FGFR1OP2: variants seen among roughly 807,000 people sequenced by gnomAD.
The protein encoded by FGFR1OP2 is fibroblast growth factor receptor 1 oncogene partner 2.
FGFR1OP2 carries 17 observed loss-of-function variants against 35.2 expected under a neutral mutation model. The ratio of observed to expected loss-of-function variants is 0.48; its 90% confidence interval spans 0.33 to 0.73. FGFR1OP2 has a LOEUF of 0.73. Ranked by LOEUF, FGFR1OP2 falls within the 30% of genes least tolerant of loss-of-function variation. The probability of loss-of-function intolerance (pLI) is 0.02; values close to 1 mark genes in which losing one functional copy is unlikely to be tolerated. For synonymous variants in FGFR1OP2, 105 were observed against 104.6 expected, an observed-to-expected ratio of 1.00 and a Z score of -0.03; for missense variants, 251 against 307.3, an observed-to-expected ratio of 0.82 and a Z score of 1.37.
In FGFR1OP2 at chr12:26,960,635, T is replaced by G. The variant is rs757542816; in HGVS notation, c.510+7T>G. 1 of 1,610,150 alleles carries G rather than the reference T, an allele frequency of 6.2e-7. No homozygotes were observed. Among genetic ancestry groups the G allele is most frequent in the South Asian group, 1.1e-5 (1 of 90,862 alleles). On this transcript the variant is annotated splice_region_variant and intron_variant, in intron 5 of 6. Transcript: ENST00000229395. Reference sequence around the variant, plus strand: ...CTTGGAAGCAAATCAGAATGTACACTAAATAAACAGTCAACTTTTGGGGTG... The same window carrying G: ...CTTGGAAGCAAATCAGAATGTACACGAAATAAACAGTCAACTTTTGGGGTG...
At chr12:26,946,548 G>T (rs993203596) in intron 1 of FGFR1OP2, among the ~76,000 whole-genome samples, 1 of 152,188 alleles carries the variant, frequency 6.6e-6, no homozygotes, top group African/African-American at 2.4e-5. Context: ...CTGGCTTCAT[G>T]ATCTGCCAGC....
At chr12:26,952,789 G>C (rs1301805443) in intron 1 of FGFR1OP2, among the ~76,000 whole-genome samples, 1 of 151,022 alleles carries the variant, frequency 6.6e-6, no homozygotes, top group Non-Finnish European at 1.5e-5. Flanking sequence ...GCAAATTGCT[G>C]TTTTAATAAA....
chr12:26,956,009 C>A (rs1939012422), intron 2 of FGFR1OP2, among the ~76,000 whole-genome samples: 1 of 151,498 alleles, frequency 6.6e-6, no homozygotes, highest in Non-Finnish European at 1.5e-5. Context: ...TTTCTTAAAA[C>A]ATTATGAGAT....
chr12:26,957,830 G>C (rs551490388), intron 4 of FGFR1OP2, 87 bp downstream of exon 4: 2 of 1,173,978 alleles, frequency 1.7e-6, no homozygotes, highest in South Asian at 4.1e-5. Context: ...AAAAATCACA[G>C]GTATCTAGTA....
In FGFR1OP2 at chr12:26,963,902, A is replaced by T. The variant is rs570981343; in HGVS notation, c.624+447A>T. Among the ~76,000 whole-genome samples, 3 of 152,276 alleles carry T rather than the reference A, an allele frequency of 2.0e-5. No homozygotes were observed. In the South Asian group the frequency reaches 6.2e-4, roughly 32 times the overall value. On this transcript the variant is annotated intron_variant, in intron 6 of 6. Coordinates refer to ENST00000229395, the MANE Select transcript of FGFR1OP2 (RefSeq NM_015633.3). ...CAGTCTCTGAATAACTGAAATCAGT[A>T]CAATAGACTTTTATGCCTTAAGAGC...
chr12:26,950,987 T>G (rs563638883), intron 1 of FGFR1OP2, among the ~76,000 whole-genome samples: 1 of 152,202 alleles, frequency 6.6e-6, no homozygotes, highest in African/African-American at 2.4e-5. Context: ...ATGATAGAAA[T>G]TTTGGATGGT....
chr12:26,939,624 C>T (rs1473416804), intron 1 of FGFR1OP2, among the ~76,000 whole-genome samples: 1 of 152,204 alleles, frequency 6.6e-6, no homozygotes, highest in Non-Finnish European at 1.5e-5. Context: ...ATTGTCTTCT[C>T]AGACTCCCCC....
intron 5 of FGFR1OP2, 61 bp from the exon 6 acceptor site, chr12:26,963,281 G>T: frequency 9.5e-7 from 1 of 1,054,524 alleles, no homozygotes; most frequent in South Asian, 1.5e-5. Flanking sequence ...TTATAAAAAG[G>T]AGAGGATCCA....
At chr12:26,959,097 A>G (rs555221175) in intron 4 of FGFR1OP2, among the ~76,000 whole-genome samples, 1 of 152,234 alleles carries the variant, frequency 6.6e-6, no homozygotes, top group Non-Finnish European at 1.5e-5. Flanking sequence ...TTAAATACCT[A>G]TCAAATAGCT....
chr12:26,954,133 T>G lies in FGFR1OP2; in HGVS notation c.-14-12T>G, dbSNP rs1938981467. On this transcript the variant is annotated splice_polypyrimidine_tract_variant and intron_variant, in intron 1 of 6. Transcript: ENST00000229395. Reference sequence around the variant, plus strand: ...ACTTTATTTTGAGTCTTGATTTTAATTTTAATTATAGATATATCTTTAGAA... The same window carrying G: ...ACTTTATTTTGAGTCTTGATTTTAAGTTTAATTATAGATATATCTTTAGAA... 1 of 1,537,266 alleles carries G rather than the reference T, an allele frequency of 6.5e-7. No homozygotes were observed. Among genetic ancestry groups the G allele is most frequent in the African/African-American group, 1.4e-5 (1 of 71,062 alleles).
At chr12:26,956,775 A>G (rs1939028762) in intron 3 of FGFR1OP2, 115 bp downstream of exon 3, 2 of 458,830 alleles carry the variant, frequency 4.4e-6, no homozygotes, top group South Asian at 6.3e-5. Flanking sequence ...ACATCCTCTT[A>G]GATTCTCACC....
intron 1 of FGFR1OP2, among the ~76,000 whole-genome samples, chr12:26,949,635 A>G (rs938722498): frequency 1.3e-5 from 2 of 151,788 alleles, no homozygotes; most frequent in African/African-American, 4.8e-5. Flanking sequence ...CTGGAGTGCA[A>G]TGATGCGATC....
chr12:26,953,875 G>A (rs75688976), intron 1 of FGFR1OP2, among the ~76,000 whole-genome samples: 9,185 of 152,222 alleles, frequency 0.06, 435 homozygotes, highest in East Asian at 0.2. Context: ...TTTCCCCACT[G>A]TAAATTTAGA....
At chr12:26,963,814 T>C (rs563033013) in intron 6 of FGFR1OP2, among the ~76,000 whole-genome samples, 2 of 152,272 alleles carry the variant, frequency 1.3e-5, no homozygotes, top group African/African-American at 4.8e-5. Context: ...GGGGCACTCT[T>C]ATTTTTCTGG....
At chr12:26,950,533 A>G (rs1160042240) in intron 1 of FGFR1OP2, among the ~76,000 whole-genome samples, 2 of 152,042 alleles carry the variant, frequency 1.3e-5, no homozygotes, top group Non-Finnish European at 2.9e-5. Flanking sequence ...CCCTGTATTC[A>G]TTGTTTTTAA....
chr12:26,966,391 G>A lies in FGFR1OP2; in HGVS notation c.*1658G>A, dbSNP rs1939183042. ...ATTAAGTCTGAGGCAGTTCATTGAG[G>A]CAGCTCTACTATAAAAGCTTACTTG... is the stretch of plus-strand genomic sequence containing the variant. On this transcript the variant is annotated 3_prime_UTR_variant, in exon 7 of 7. Coordinates refer to ENST00000229395, the MANE Select transcript of FGFR1OP2 (RefSeq NM_015633.3). 6.6e-6 allele frequency: 1 copy of A among 152,072 alleles called. No individual in the cohort carries two copies. Among genetic ancestry groups the A allele is most frequent in the African/African-American group, 2.4e-5 (1 of 41,438 alleles). The allele number at this position is 152,072 out of a possible 1,614,324, so 9.4% of individuals were successfully genotyped here.
chr12:26,946,686 C>G (rs2136349843), intron 1 of FGFR1OP2, among the ~76,000 whole-genome samples: 1 of 152,306 alleles, frequency 6.6e-6, no homozygotes, highest in African/African-American at 2.4e-5. Context: ...AATTCACATA[C>G]CATACTATTC....
intron 5 of FGFR1OP2, 121 bp downstream of exon 5, chr12:26,960,749 G>A: frequency 1.4e-6 from 2 of 1,399,960 alleles, no homozygotes; most frequent in South Asian, 1.5e-5. Flanking sequence ...TTTATTAAAA[G>A]AATGTTGTGT....
At chr12:26,941,335 G>A (rs1426576702) in intron 1 of FGFR1OP2, among the ~76,000 whole-genome samples, 2 of 152,158 alleles carry the variant, frequency 1.3e-5, no homozygotes, top group Non-Finnish European at 2.9e-5. Flanking sequence ...AAGAGGGGAA[G>A]CACAATGGTC....
Sources: gnomAD v4.1 joint callset for allele counts (sites outside exome capture counted in the v4.1 genomes callset) on GRCh38, gnomAD v4.1.1 for gene constraint, MANE v1.5 for transcripts, NCBI Gene and HGNC (gene_info 2026-07-23, HGNC 2026-07-21) for gene names.